Variants in TMEM92 observed in about 807,000 individuals in gnomAD.
The protein encoded by TMEM92 is transmembrane protein 92.
A neutral mutation model predicts 14.6 loss-of-function variants in TMEM92; 15 were observed. That is an observed-to-expected ratio of 1.03 (90% CI 0.69 to 1.58). The LOEUF (loss-of-function observed/expected upper bound fraction) is 1.58, where lower values mean the gene tolerates loss of function less well. Among genes scored for constraint, TMEM92 ranks in the 40% most tolerant of loss-of-function variants. TMEM92 has a pLI of 0.00. For missense variants in TMEM92, 174 were observed against 202.4 expected (o/e 0.86, Z 0.85); for synonymous variants, 85 against 83.3 (o/e 1.02, Z -0.11).
Position 50,278,946 on chromosome 17 carries a change from C to A in TMEM92, c.316C>A (p.Pro106Thr), listed in dbSNP as rs1173107065. Reference protein sequence around the residue: ...GPLELPSIIPPERVRVSLSAP... With the variant: ...GPLELPSIIPTERVRVSLSAP... ...CCTGGAACTGCCCTCCATCATCCCC[C>A]CAGAGAGGGTCAGAGTATCCCTTTC... The change falls in exon 4 of 5, where the codon CCA becomes ACA. Residue 106 changes from proline (P) to threonine (T), a missense_variant. Physicochemically the swap from Pro to Thr is conservative, Grantham distance 38. Coordinates refer to ENST00000507382, the MANE Select transcript of TMEM92 (RefSeq NM_153229.3). 1.2e-6 allele frequency: 2 copies of A among 1,613,462 alleles called. No individual in the cohort carries two copies. Among genetic ancestry groups the A allele is most frequent in the African/African-American group, 2.7e-5 (2 of 74,874 alleles).
intron 2 of TMEM92, among the ~76,000 whole-genome samples, chr17:50,277,967 A>T (rs1373671624): frequency 6.6e-6 from 1 of 152,124 alleles, no homozygotes; most frequent in Non-Finnish European, 1.5e-5. Flanking sequence ...CTGTAGCTGG[A>T]TCCCGGTCCT....
Position 50,279,685 on chromosome 17 carries a change from C to T in TMEM92, c.*377C>T. ...GAGATTTTATCAGGGCACTTCTATA[C>T]CTGTGGGACATTGGACTGGATGAGC... is the stretch of plus-strand genomic sequence containing the variant. On this transcript the variant is annotated 3_prime_UTR_variant, in exon 5 of 5. Coordinates refer to ENST00000507382, the MANE Select transcript of TMEM92 (RefSeq NM_153229.3). 3.5e-6 allele frequency: 1 copy of T among 288,138 alleles called. No homozygotes were observed. The highest frequency in any genetic ancestry group is 3.0e-5 in the South Asian group (1 of 33,324). 17.8% of individuals were successfully genotyped at this position (288,138 alleles called of 1,614,324 possible).
At chr17:50,277,575 G>T in intron 1 of TMEM92, 140 bp from the exon 2 acceptor site, 4 of 917,740 alleles carry the variant, frequency 4.4e-6, no homozygotes, top group Non-Finnish European at 6.9e-6. Flanking sequence ...GGAGTGAGGT[G>T]GGGGGTGGCT....
chr17:50,275,894 C>G (rs1199452995), intron 1 of TMEM92, among the ~76,000 whole-genome samples: 3 of 152,040 alleles, frequency 2.0e-5, no homozygotes, highest in Non-Finnish European at 4.4e-5. Flanking sequence ...AATCCCAGCA[C>G]TTTGAGAGGC....
upstream of TMEM92, among the ~76,000 whole-genome samples, chr17:50,273,511 C>T (rs1434852951): frequency 2.6e-5 from 4 of 152,238 alleles, no homozygotes; most frequent in Admixed American, 6.5e-5. Flanking sequence ...GACCCCGGGG[C>T]AGTCTAAACC....
At position 50,278,845 on chromosome 17, in the gene TMEM92, T is replaced by C. The variant is rs1450506019; in HGVS notation, c.215T>C (p.Ile72Thr). 6.2e-7 allele frequency: 1 copy of C among 1,613,586 alleles called. No individual in the cohort carries two copies. The highest frequency in any genetic ancestry group is 1.3e-5 in the African/African-American group (1 of 74,946). Reference protein sequence around the residue: ...IFLVILSVFCICGLAKCFCRN... With the variant: ...IFLVILSVFCTCGLAKCFCRN... ...CTGGTCATCCTGTCCGTCTTTTGCATCTGTGGCCTGGCTAAGTGCTTCTGT... is the reference window on the plus strand; with the variant it reads ...CTGGTCATCCTGTCCGTCTTTTGCACCTGTGGCCTGGCTAAGTGCTTCTGT... The change falls in exon 4 of 5, where the codon ATC becomes ACC. Residue 72 changes from isoleucine to threonine, a missense_variant. Coordinates refer to ENST00000507382, the MANE Select transcript of TMEM92 (RefSeq NM_153229.3).
At position 50,279,731 on chromosome 17, in the gene TMEM92, T is replaced by C; in HGVS notation, c.*423T>C. ...TGAGCCCTGAGCCAGCTTCCACTCC[T>C]ACCTGAATAGAGAACTCACTGCACC... is the stretch of plus-strand genomic sequence containing the variant. On this transcript the variant is annotated 3_prime_UTR_variant, in exon 5 of 5. Coordinates refer to ENST00000507382, the MANE Select transcript of TMEM92 (RefSeq NM_153229.3). 4.1e-6 allele frequency: 1 copy of C among 246,470 alleles called. No individual in the cohort carries two copies. The highest frequency in any genetic ancestry group is 8.0e-6 in the Non-Finnish European group (1 of 125,578). 15.3% of individuals were successfully genotyped at this position (246,470 alleles called of 1,614,324 possible). A position where few individuals can be genotyped will look rare whatever the true frequency, so the allele number is the denominator to read the frequency against.
At chr17:50,276,753 G>T (rs1910445085) in intron 1 of TMEM92, among the ~76,000 whole-genome samples, 1 of 152,168 alleles carries the variant, frequency 6.6e-6, no homozygotes, top group Non-Finnish European at 1.5e-5. Flanking sequence ...TTGACTACTG[G>T]GTTTTCAACA....
chr17:50,278,484 G>T lies in TMEM92; in HGVS notation c.96-72G>T, dbSNP rs1598330321. 5 of 1,564,078 alleles carry T rather than the reference G, an allele frequency of 3.2e-6. No homozygotes were observed. In the East Asian group the frequency reaches 1.1e-4, roughly 35 times the overall value. ...AGCATCTTGGGTGTATTTTGGGGAGGCTGGGATCCTTCTGCCTCTCCATTC... is the reference window on the plus strand; with the variant it reads ...AGCATCTTGGGTGTATTTTGGGGAGTCTGGGATCCTTCTGCCTCTCCATTC... On this transcript the variant is annotated intron_variant, in intron 2 of 4. Transcript: ENST00000507382.
rs758829552 is a variant in TMEM92, at chr17:50,278,928, C to G, written c.298C>G (p.Leu100Val). The G allele has an allele frequency of 1.1e-5, 17 of 1,613,882 alleles. No homozygotes were observed. Among genetic ancestry groups the G allele is most frequent in the Non-Finnish European group, 1.4e-5 (17 of 1,179,872 alleles). ...SPVDCRGPLE[L>V]PSIIPPERVR... ...AGTGGATTGCCGGGGGCCCCTGGAA[C>G]TGCCCTCCATCATCCCCCCAGAGAG... Residue 100 changes from leucine (L) to valine (V), a missense_variant, in exon 4 of 5, where the codon CTG becomes GTG. Physicochemically the swap from Leu to Val is conservative, Grantham distance 32 (BLOSUM62 1). Transcript: ENST00000507382.
intron 1 of TMEM92, chr17:50,274,828 C>T (rs1012017418): frequency 3.0e-5 from 16 of 530,250 alleles, no homozygotes; most frequent in Non-Finnish European, 5.0e-5. Context: ...TATCTGACAC[C>T]TAGCACGTCT....
chr17:50,278,165 T>TA (rs1910490166), intron 2 of TMEM92, among the ~76,000 whole-genome samples: 1 of 152,158 alleles, frequency 6.6e-6, no homozygotes, highest in African/African-American at 2.4e-5. Flanking sequence ...TGACCCCTCA[T>TA]ACTCCATGGG....
At chr17:50,276,721 G>A (rs143006636) in intron 1 of TMEM92, among the ~76,000 whole-genome samples, 31 of 152,280 alleles carry the variant, frequency 2.0e-4, no homozygotes, top group East Asian at 1.7e-3. Flanking sequence ...ATGAATGCAC[G>A]TTCATTCATT....
In TMEM92 at chr17:50,278,982, C is replaced by G; in HGVS notation, c.352C>G (p.Pro118Ala). Residue 118 changes from proline to alanine, a missense_variant, in exon 4 of 5, where the codon CCC becomes GCC. By Grantham distance (27) the Pro-to-Ala change is conservative (BLOSUM62 -1). Coordinates refer to ENST00000507382, the MANE Select transcript of TMEM92 (RefSeq NM_153229.3). The part of the protein sequence containing the change: ...RVRVSLSAPP[P>A]PYSEVILKPS... Reference sequence around the variant, plus strand: ...CAGAGTATCCCTTTCTGCGCCCCCACCCCCCTACAGTGAGGTGGGTGTCTC... The same window carrying G: ...CAGAGTATCCCTTTCTGCGCCCCCAGCCCCCTACAGTGAGGTGGGTGTCTC... 6.3e-7 allele frequency: 1 copy of G among 1,599,182 alleles called. No individual in the cohort carries two copies. Among genetic ancestry groups the G allele is most frequent in the South Asian group, 1.1e-5 (1 of 90,210 alleles).
Position 50,276,720 on chromosome 17 carries a change from C to T in TMEM92, c.70-995C>T, listed in dbSNP as rs149030996. On this transcript the variant is annotated intron_variant, in intron 1 of 4. Coordinates refer to ENST00000507382, the MANE Select transcript of TMEM92 (RefSeq NM_153229.3). ...TGAAACTAGGTAATTGATGAATGCACGTTCATTCATTCTGCAAATATTTTG... is the reference window on the plus strand; with the variant it reads ...TGAAACTAGGTAATTGATGAATGCATGTTCATTCATTCTGCAAATATTTTG... Among the ~76,000 whole-genome samples the T allele has an allele frequency of 9.1e-4, 139 of 152,268 alleles. 1 individual carries two copies. The East Asian group carries it at 0.023, about 25-fold the overall frequency.
intron 1 of TMEM92, among the ~76,000 whole-genome samples, chr17:50,275,441 GTCAATGCTGGGCTGGGC>G (rs1910398950): frequency 6.6e-6 from 1 of 152,068 alleles, no homozygotes; most frequent in South Asian, 2.1e-4. Flanking sequence ...GTCAGTTTGT[GTCAATGCTGGGCTGGGC>G]ATCCTCTGGT....
upstream of TMEM92, among the ~76,000 whole-genome samples, chr17:50,273,997 G>T (rs1731973397): frequency 2.0e-5 from 3 of 149,962 alleles, no homozygotes; most frequent in Admixed American, 6.7e-5. Flanking sequence ...TATTTATTTA[G>T]AGATGGAGTC....
intron 1 of TMEM92, among the ~76,000 whole-genome samples, chr17:50,276,385 A>C (rs1159345672): frequency 2.0e-5 from 3 of 152,172 alleles, no homozygotes; most frequent in Non-Finnish European, 4.4e-5. Context: ...TCCTGTCCCC[A>C]CAAGGGGACA....
At chr17:50,277,957 C>G (rs1172989724) in intron 2 of TMEM92, among the ~76,000 whole-genome samples, 1 of 152,168 alleles carries the variant, frequency 6.6e-6, no homozygotes, top group Non-Finnish European at 1.5e-5. Context: ...GCAGGCAGGT[C>G]TGTAGCTGGA....
Sources: gnomAD v4.1 joint callset for allele counts (sites outside exome capture counted in the v4.1 genomes callset) on GRCh38, gnomAD v4.1.1 for gene constraint, MANE v1.5 for transcripts, NCBI Gene and HGNC (gene_info 2026-07-23, HGNC 2026-07-21) for gene names.